Variants in CNN1 observed in about 807,000 individuals in gnomAD.
CNN1 encodes calponin 1.
Under a neutral mutation model 35.3 loss-of-function variants are expected in CNN1, and 21 were observed. That is an observed-to-expected ratio of 0.60 (90% confidence interval 0.42 to 0.86). The LOEUF (loss-of-function observed/expected upper bound fraction) is 0.86, where lower values mean the gene tolerates loss of function less well. Among genes scored for constraint, CNN1 ranks in the 40% least tolerant of loss-of-function variants. The pLI is 0.00. For synonymous variants in CNN1, 164 were observed against 161.8 expected, an observed-to-expected ratio of 1.01 and a Z score of -0.10; for missense variants, 314 against 400.8, an observed-to-expected ratio of 0.78 and a Z score of 1.85.
At chr19:11,539,843 G>A in intron 1 of CNN1, 5 of 1,177,512 alleles carry the variant, frequency 4.2e-6, no homozygotes, top group Non-Finnish European at 5.3e-6. Context: ...CCTCGGGCGA[G>A]AGACAGATCC....
Position 11,547,831 on chromosome 19 carries a change from T to A in CNN1, c.425T>A (p.Val142Glu). 6.2e-7 allele frequency: 1 copy of A among 1,613,344 alleles called. No homozygotes were observed. Residue 142 changes from valine to glutamate, a missense_variant, in exon 5 of 7, where the codon GTG becomes GAG. Coordinates refer to ENST00000252456, the MANE Select transcript of CNN1 (RefSeq NM_001299.6). ...KTKGNKVNVG[V>E]KYAEKQERKF... Reference sequence around the variant, plus strand: ...AAAGGAAACAAGGTGAACGTGGGAGTGAAGTACGCAGAGAAGCAGGAGCGG... The same window carrying A: ...AAAGGAAACAAGGTGAACGTGGGAGAGAAGTACGCAGAGAAGCAGGAGCGG...
intron 1 of CNN1, 166 bp downstream of exon 1, chr19:11,539,156 C>A: frequency 9.1e-7 from 1 of 1,103,900 alleles, no homozygotes; most frequent in Non-Finnish European, 1.2e-6. Flanking sequence ...CCTGAACATC[C>A]CGGAGCCCCC....
At chr19:11,539,629 A>G in intron 1 of CNN1, 1 of 735,068 alleles carries the variant, frequency 1.4e-6, no homozygotes, top group Non-Finnish European at 2.0e-6. Flanking sequence ...AGCTTCTCCC[A>G]GCTGGAGAAC....
At chr19:11,539,169 C>A in intron 1 of CNN1, 179 bp downstream of exon 1, 1 of 1,161,094 alleles carries the variant, frequency 8.6e-7, no homozygotes, top group Non-Finnish European at 1.1e-6. Context: ...GAGCCCCCAG[C>A]TATGGTTGGG....
At position 11,549,754 on chromosome 19, in the gene CNN1, G is replaced by A. The variant is rs200728111; in HGVS notation, c.853G>A (p.Ala285Thr). The change falls in exon 7 of 7, where the codon GCC becomes ACC. Residue 285 changes from alanine (A) to threonine (T), a missense_variant. Transcript: ENST00000252456. This position sits in a 1 kb window ranked among gnomAD's most constrained non-coding sequence, Gnocchi z 5.2. ...CGAGTACCCAGAGCTGGGTGAGCCC[G>A]CCCACAACCACCACGCACACAACTA... is the stretch of plus-strand genomic sequence containing the variant. ...TPEYPELGEP[A>T]HNHHAHNYYN... The A allele has an allele frequency of 7.0e-5, 113 of 1,613,714 alleles. No homozygotes were observed. The East Asian group carries it at 2.0e-3, about 29-fold the overall frequency.
chr19:11,546,628 C>G (rs375697715), intron 2 of CNN1, 47 bp from the exon 3 acceptor site: 5 of 1,610,136 alleles, frequency 3.1e-6, no homozygotes, highest in Non-Finnish European at 4.2e-6. Context: ...GCCACCGTGC[C>G]CAACCCTGGG....
At chr19:11,547,122 C>T (rs578144411) in intron 4 of CNN1, among the ~76,000 whole-genome samples, 153 bp downstream of exon 4, 28 of 152,134 alleles carry the variant, frequency 1.8e-4, no homozygotes, top group African/African-American at 6.8e-4. Context: ...GGGGGCCGGG[C>T]GCGGTCGCTC....
At position 11,549,275 on chromosome 19, in the gene CNN1, A is replaced by G. The variant is rs554684301; in HGVS notation, c.502-48A>G. ...TCCCATCAGCTATGCCTCATGGCCCATGATGAGGTCTGTAATTATTGGTGT... is the reference window on the plus strand; with the variant it reads ...TCCCATCAGCTATGCCTCATGGCCCGTGATGAGGTCTGTAATTATTGGTGT... On this transcript the variant is annotated intron_variant, in intron 5 of 6. Transcript: ENST00000252456. The surrounding 1 kb of genome is among the most constrained non-coding windows in gnomAD (Gnocchi z 5.2). The G allele has an allele frequency of 1.2e-5, 19 of 1,603,400 alleles. No individual in the cohort carries two copies. In the Admixed American group the frequency reaches 2.3e-4, roughly 20 times the overall value.
chr19:11,544,064 G>A (rs924106191), intron 2 of CNN1, among the ~76,000 whole-genome samples: 7 of 151,954 alleles, frequency 4.6e-5, no homozygotes, highest in Non-Finnish European at 7.4e-5. Flanking sequence ...GAACAGACTC[G>A]ACTCAGAGCT....
rs1448645427 is a variant in CNN1, at chr19:11,549,814, GT to G, written c.*23del. 1.9e-6 allele frequency: 3 copies of G among 1,585,574 alleles called. No homozygotes were observed. The highest frequency in any genetic ancestry group is 2.6e-6 in the Non-Finnish European group (3 of 1,161,156). ...CGCCTAGGGCCACAAGGCCTTCCCT[GT>G]TTTCCCCCCAAGGGAGGCTGCTGCT... On this transcript the variant is annotated 3_prime_UTR_variant, in exon 7 of 7. Transcript: ENST00000252456. This position sits in a 1 kb window ranked among gnomAD's most constrained non-coding sequence, Gnocchi z 5.2.
chr19:11,544,858 G>A (rs1278143429), intron 2 of CNN1, among the ~76,000 whole-genome samples: 1 of 151,928 alleles, frequency 6.6e-6, no homozygotes, highest in East Asian at 1.9e-4. Context: ...GGCAATGGGA[G>A]GCTCCTGGAG....
chr19:11,539,546 T>C (rs1972411462), intron 1 of CNN1: 1 of 1,099,760 alleles, frequency 9.1e-7, no homozygotes, highest in Non-Finnish European at 1.1e-6. Flanking sequence ...GAGAGGCAAA[T>C]AGCTGGGGTC....
chr19:11,540,136 G>C (rs1972427541), intron 1 of CNN1: 1 of 840,246 alleles, frequency 1.2e-6, no homozygotes, highest in Non-Finnish European at 1.4e-6. Context: ...TGGAGAAATG[G>C]GAGTGGAGTG....
intron 2 of CNN1, among the ~76,000 whole-genome samples, 193 bp from the exon 3 acceptor site, chr19:11,546,482 T>G (rs1023477564): frequency 1.3e-5 from 2 of 151,970 alleles, no homozygotes; most frequent in Non-Finnish European, 2.9e-5. Context: ...AGTACAGGCA[T>G]GTGCCACCAC....
chr19:11,547,000 G>A (rs771423456), intron 4 of CNN1, 31 bp downstream of exon 4: 3 of 1,610,492 alleles, frequency 1.9e-6, no homozygotes, highest in African/African-American at 2.7e-5. Context: ...GGCAGGGGGT[G>A]GTGGGCAGCC....
intron 1 of CNN1, chr19:11,540,047 C>T (rs932434128): frequency 5.6e-5 from 58 of 1,042,846 alleles, no homozygotes; most frequent in Admixed American, 1.6e-4. Flanking sequence ...CTCCCACCTC[C>T]CCCCACTCAC....
rs371135636 is a variant in CNN1, at chr19:11,549,409, C to A, written c.588C>A (p.Asp196Glu). The change falls in exon 6 of 7, where the codon GAC becomes GAA. Residue 196 changes from aspartate to glutamate, a missense_variant. By Grantham distance (45) the Asp-to-Glu change is conservative. Coordinates refer to ENST00000252456, the MANE Select transcript of CNN1 (RefSeq NM_001299.6). The surrounding 1 kb of genome is among the most constrained non-coding windows in gnomAD (Gnocchi z 5.2). ...RHLYDPKLGT[D>E]QPLDQATISL... is the part of the protein sequence containing the mutation. ...TCTACGACCCCAAGCTGGGCACAGA[C>A]CAGCCTCTGGACCAGGCGACCATCA... The A allele has an allele frequency of 8.1e-6, 13 of 1,613,382 alleles. No individual in the cohort carries two copies. The highest frequency in any genetic ancestry group is 9.3e-6 in the Non-Finnish European group (11 of 1,179,860).
chr19:11,543,519 G>A (rs953214285), intron 2 of CNN1, among the ~76,000 whole-genome samples: 14 of 150,768 alleles, frequency 9.3e-5, no homozygotes, highest in African/African-American at 3.2e-4. Flanking sequence ...GGTGACTCAC[G>A]TCTGTAATCC....
intron 1 of CNN1, 192 bp downstream of exon 1, chr19:11,539,182 T>C: frequency 8.3e-7 from 1 of 1,209,574 alleles, no homozygotes; most frequent in Non-Finnish European, 1.1e-6. Context: ...TGGTTGGGGC[T>C]GGAATGGGGG....
Sources: gnomAD v4.1 joint callset for allele counts (sites outside exome capture counted in the v4.1 genomes callset) on GRCh38, gnomAD v4.1.1 for gene constraint, Gnocchi (gnomAD v3.1) non-coding constraint, MANE v1.5 for transcripts, NCBI Gene and HGNC (gene_info 2026-07-23, HGNC 2026-07-21) for gene names.